The following NKAIN4 variants were observed in gnomAD, a reference collection of about 807,000 sequenced individuals.
NKAIN4 encodes the protein sodium/potassium transporting ATPase interacting 4.
A neutral mutation model predicts 28.8 loss-of-function variants in NKAIN4; 28 were observed. That is an observed-to-expected ratio of 0.97 (90% CI 0.72 to 1.33). The LOEUF (loss-of-function observed/expected upper bound fraction) is 1.33. NKAIN4 is among the 40% of genes most tolerant of loss of function. The pLI, the probability that NKAIN4 is intolerant of heterozygous loss-of-function variation, is 0.00. For missense variants in NKAIN4, 289 were observed against 277.2 expected (o/e 1.04, Z -0.30); for synonymous variants, 122 against 115.6 (o/e 1.06, Z -0.36).
chr20:63,244,006 C>A lies in NKAIN4; in HGVS notation c.532+18G>T, dbSNP rs1192583489. 1.2e-6 allele frequency: 2 copies of A among 1,607,956 alleles called. No individual in the cohort carries two copies. The highest frequency in any genetic ancestry group is 1.3e-5 in the African/African-American group (1 of 74,942). ...TAGCCGTCTCCCGCCCCACTGCCTG[C>A]AGAGGCCCCATACTCACAGCTGTCC... On this transcript the variant is annotated intron_variant, in intron 5 of 6. Transcript: ENST00000370316.
At position 63,252,842 on chromosome 20, in the gene NKAIN4, C is replaced by T; in HGVS notation, c.54+1555G>A. On this transcript the variant is annotated intron_variant, in intron 1 of 6. Coordinates refer to ENST00000370316, the MANE Select transcript of NKAIN4 (RefSeq NM_152864.4). The surrounding 1 kb of genome is among the most constrained non-coding windows in gnomAD (Gnocchi z 4.6). ...AGGTGAAACGGGAACATGACCCCAC[C>T]CGCCCCTCTGCACCCTGAGGTCACA... 6.6e-6 allele frequency among the ~76,000 whole-genome samples: 1 copy of T among 152,202 alleles called. No individual in the cohort carries two copies. Among genetic ancestry groups the T allele is most frequent in the East Asian group, 1.9e-4 (1 of 5,202 alleles).
intron 1 of NKAIN4, 144 bp downstream of exon 1, chr20:63,254,253 C>G (rs1044434539): frequency 3.2e-6 from 2 of 629,752 alleles, no homozygotes; most frequent in Non-Finnish European, 4.7e-6. Context: ...GCCGTAGCAG[C>G]CCGGGGTCCG....
intron 6 of NKAIN4, chr20:63,241,745 C>T (rs1383092064): frequency 1.0e-5 from 7 of 678,438 alleles, no homozygotes; most frequent in African/African-American, 3.6e-5. Context: ...GGGGTCTGGC[C>T]TGTGGGGCTG....
intron 1 of NKAIN4, among the ~76,000 whole-genome samples, chr20:63,253,785 A>T (rs2067003241): frequency 6.6e-6 from 1 of 152,074 alleles, no homozygotes; most frequent in Admixed American, 6.5e-5. Context: ...CGCCCCGGGC[A>T]TCGGCTCCAG....
Position 63,247,647 on chromosome 20 carries a change from T to C in NKAIN4, c.402A>G (p.Ser134=), listed in dbSNP as rs1601287661. 4 of 1,547,704 alleles carry C rather than the reference T, an allele frequency of 2.6e-6. No individual in the cohort carries two copies. In the Middle Eastern group the frequency reaches 6.7e-4, roughly 259 times the overall value. ...TGGGCTCCAGGGCACAGCCAGCACC[T>C]GACACCAGGGCCTGGCCATGGGGGG... The part of the protein sequence containing the change: ...LGAPHGQALV[S]GAGCALEPSY... Residue 134 remains serine, a synonymous_variant, in exon 4 of 7, where the codon TCA becomes TCG. Transcript: ENST00000370316.
In NKAIN4 at chr20:63,247,596, G is replaced by C; in HGVS notation, c.453C>G (p.Cys151Trp). Residue 151 changes from cysteine (C) to tryptophan (W), a missense_variant, in exon 4 of 7, where the codon TGC becomes TGG. By Grantham distance (215) the Cys-to-Trp change is radical. Transcript: ENST00000370316. ...EPSYVEALHS[C>W]LQILIALLGF... ...CGCTCACCGCGATCAGGATCTGCAG[G>C]CAACTGTGTAGGGCCTCCACATAGC... 6.5e-7 allele frequency: 1 copy of C among 1,547,458 alleles called. No homozygotes were observed. Among genetic ancestry groups the C allele is most frequent in the Non-Finnish European group, 8.7e-7 (1 of 1,145,158 alleles).
upstream of NKAIN4, chr20:63,254,826 C>T (rs749224826): frequency 1.1e-5 from 2 of 187,952 alleles, no homozygotes; most frequent in Non-Finnish European, 2.2e-5. Context: ...ACCTGCCCAG[C>T]ACCTGCTCCC....
At chr20:63,243,546 G>A (rs1204301822) in intron 5 of NKAIN4, among the ~76,000 whole-genome samples, 1 of 152,196 alleles carries the variant, frequency 6.6e-6, no homozygotes, top group Non-Finnish European at 1.5e-5. Context: ...GCGCCTGAGT[G>A]TGGACCACTC....
chr20:63,249,730 T>C (rs996900808), intron 2 of NKAIN4, among the ~76,000 whole-genome samples: 1 of 152,138 alleles, frequency 6.6e-6, no homozygotes, highest in Non-Finnish European at 1.5e-5. Flanking sequence ...AGCTGCTCCT[T>C]CAAGCAGCCT....
intron 1 of NKAIN4, chr20:63,253,336 C>T (rs2066994103): frequency 1.0e-6 from 1 of 985,420 alleles, no homozygotes; most frequent in Non-Finnish European, 1.2e-6. Context: ...GAAGCTCCTT[C>T]CTTCCTGCAG....
At chr20:63,251,423 G>C (rs7267408) in intron 1 of NKAIN4, among the ~76,000 whole-genome samples, 1 of 151,998 alleles carries the variant, frequency 6.6e-6, no homozygotes, top group Non-Finnish European at 1.5e-5. Context: ...AAACTCCCCC[G>C]GGGAAAGGGA....
At chr20:63,253,175 C>T in intron 1 of NKAIN4, 1 of 983,344 alleles carries the variant, frequency 1.0e-6, no homozygotes, top group African/African-American at 1.7e-5. Context: ...AGCCCCTCCC[C>T]ACCAGTCTCC....
chr20:63,242,267 G>A (rs558441270), intron 6 of NKAIN4, among the ~76,000 whole-genome samples: 19 of 152,006 alleles, frequency 1.2e-4, no homozygotes, highest in Non-Finnish European at 2.1e-4. Flanking sequence ...ACTCAGAGCC[G>A]ACTCCTGGAC....
rs1345073677 is a variant in NKAIN4 at position 63,252,486 on chromosome 20, C to T, written c.54+1911G>A. On this transcript the variant is annotated intron_variant, in intron 1 of 6. Transcript: ENST00000370316. The surrounding 1 kb of genome is among the most constrained non-coding windows in gnomAD (Gnocchi z 4.6). ...TCAAAAAAAAAAAGGGGCTATCCAA[C>T]AACCCCGCCCTTCCTCCCGGGCCCC... Among the ~76,000 whole-genome samples, 5 of 152,004 alleles carry T rather than the reference C, an allele frequency of 3.3e-5. No individual in the cohort carries two copies. The highest frequency in any genetic ancestry group is 4.4e-5 in the Non-Finnish European group (3 of 67,974).
rs554772683 is a variant in NKAIN4, at chr20:63,249,257, C to G, written c.193-362G>C. On this transcript the variant is annotated intron_variant, in intron 2 of 6. Coordinates refer to ENST00000370316, the MANE Select transcript of NKAIN4 (RefSeq NM_152864.4). ...GCACAGGCCTCCACTGCAGAGCACCCCAGAAGCCACCCCCAAGAGAGCACC... is the reference window on the plus strand; with the variant it reads ...GCACAGGCCTCCACTGCAGAGCACCGCAGAAGCCACCCCCAAGAGAGCACC... 1.5e-5 allele frequency: 4 copies of G among 271,706 alleles called. No homozygotes were observed. In the South Asian group the frequency reaches 1.7e-4, roughly 12 times the overall value. 16.8% of individuals were successfully genotyped at this position (271,706 alleles called of 1,614,324 possible).
At chr20:63,248,689 C>T in intron 3 of NKAIN4, 126 bp downstream of exon 3, 1 of 682,184 alleles carries the variant, frequency 1.5e-6, no homozygotes, top group Admixed American at 2.1e-5. Context: ...GTGCTGGGGA[C>T]AGAGCCATGC....
chr20:63,248,849 A>T lies in NKAIN4; in HGVS notation c.239T>A (p.Ile80Asn). ...AVWVTWNVFI[I>N]CFYLEVGGLL... ...GCCACCGACTTCCAGGTAGAAGCAG[A>T]TGATGAAGACGTTCCAGGTGACCCA... is the stretch of plus-strand genomic sequence containing the variant. The change falls in exon 3 of 7, where the codon ATC (isoleucine) becomes AAC (asparagine). Residue 80 changes from isoleucine to asparagine, a missense_variant. Transcript: ENST00000370316. The T allele has an allele frequency of 6.2e-7, 1 of 1,612,922 alleles. No homozygotes were observed. Among genetic ancestry groups the T allele is most frequent in the Non-Finnish European group, 8.5e-7 (1 of 1,179,868 alleles).
Position 63,244,020 on chromosome 20 carries a change from T to A in NKAIN4, c.532+4A>T. 6.2e-7 allele frequency: 1 copy of A among 1,612,436 alleles called. No homozygotes were observed. The highest frequency in any genetic ancestry group is 1.1e-5 in the South Asian group (1 of 90,756). On this transcript the variant is annotated splice_donor_region_variant and intron_variant, in intron 5 of 6. Coordinates refer to ENST00000370316, the MANE Select transcript of NKAIN4 (RefSeq NM_152864.4). ...CCCACTGCCTGCAGAGGCCCCATAC[T>A]CACAGCTGTCCTCTTCCTCCGTAAA...
intron 4 of NKAIN4, 88 bp downstream of exon 4, chr20:63,247,490 G>GC: frequency 6.5e-7 from 1 of 1,545,732 alleles, no homozygotes; most frequent in Non-Finnish European, 8.7e-7. Flanking sequence ...AGGTCAGCTG[G>GC]CCCCGCCTCA....
Sources: allele counts gnomAD v4.1 joint callset (sites outside exome capture counted in the v4.1 genomes callset), GRCh38; gene constraint gnomAD v4.1.1; non-coding constraint Gnocchi (gnomAD v3.1); transcripts MANE v1.5; gene names NCBI Gene and HGNC (gene_info 2026-07-23, HGNC 2026-07-21).